TMTC2: variants seen among roughly 807,000 people sequenced by gnomAD.
The protein encoded by TMTC2 is transmembrane O-mannosyltransferase targeting cadherins 2.
In TMTC2, 43 loss-of-function variants were observed where a neutral mutation model predicts 82.4. The ratio of observed to expected loss-of-function variants is 0.52; its 90% CI spans 0.41 to 0.67. The LOEUF (loss-of-function observed/expected upper bound fraction) is 0.67, where lower values mean the gene tolerates loss of function less well. Ranked by LOEUF, TMTC2 falls within the 30% of genes least tolerant of loss-of-function variation. The pLI, the probability that TMTC2 is intolerant of heterozygous loss-of-function variation, is 0.00. For missense variants in TMTC2, 919 were observed against 1,012.4 expected (o/e 0.91, Z 1.25); for synonymous variants, 408 against 381.9 (o/e 1.07, Z -0.80).
chr12:82,937,777 TATATATATATATATATATACAC>T (rs1565818393), intron 4 of TMTC2, among the ~76,000 whole-genome samples: 16 of 22,758 alleles, frequency 7.0e-4, no homozygotes, highest in African/African-American at 2.1e-3. Context: ...TATATATATA[TATATATATATATATATATACAC>T]ACATATATAT....
chr12:83,056,258 AT>A (rs2137464598), intron 10 of TMTC2, among the ~76,000 whole-genome samples: 1 of 152,062 alleles, frequency 6.6e-6, no homozygotes, highest in South Asian at 2.1e-4. Flanking sequence ...TTAGTCTCTG[AT>A]GTGGGTCACG....
intron 11 of TMTC2, among the ~76,000 whole-genome samples, chr12:83,069,597 C>T (rs567168976): frequency 6.6e-6 from 1 of 152,196 alleles, no homozygotes; most frequent in East Asian, 1.9e-4. Flanking sequence ...ATATTAGTCC[C>T]TGGCGAGATG....
intron 1 of TMTC2, among the ~76,000 whole-genome samples, chr12:82,764,435 G>A (rs1257974721): frequency 1.3e-5 from 2 of 152,108 alleles, no homozygotes; most frequent in African/African-American, 4.8e-5. Flanking sequence ...ACCATGCCTG[G>A]CCTATACACT....
intron 11 of TMTC2, among the ~76,000 whole-genome samples, chr12:83,111,756 T>C (rs1180790312): frequency 6.6e-6 from 1 of 152,132 alleles, no homozygotes; most frequent in African/African-American, 2.4e-5. Context: ...ACATCATAAA[T>C]GAATGAGTGA....
intron 8 of TMTC2, among the ~76,000 whole-genome samples, chr12:83,029,160 A>G (rs1881311219): frequency 6.6e-6 from 1 of 152,164 alleles, no homozygotes; most frequent in Non-Finnish European, 1.5e-5. Context: ...CGGAATGAAC[A>G]AAAGGAGAGG....
At chr12:82,747,901 C>T (rs1875773283) in intron 1 of TMTC2, among the ~76,000 whole-genome samples, 1 of 152,080 alleles carries the variant, frequency 6.6e-6, no homozygotes, top group African/African-American at 2.4e-5. Context: ...ACCAGTTGGG[C>T]TAGTATATAA....
At chr12:82,980,627 T>C (rs1349138165) in intron 7 of TMTC2, among the ~76,000 whole-genome samples, 1 of 151,728 alleles carries the variant, frequency 6.6e-6, no homozygotes, top group Non-Finnish European at 1.5e-5. Context: ...AATTATAATT[T>C]GTGTGAGTCC....
At position 82,863,146 on chromosome 12, in the gene TMTC2, G is replaced by A. The variant is rs530233823; in HGVS notation, c.654+5566G>A. Reference sequence around the variant, plus strand: ...TGTTTCTAGACTAGGTTGTGGTTTTGCCTAAGTTGTGACCCCCCCCCAATA... The same window carrying A: ...TGTTTCTAGACTAGGTTGTGGTTTTACCTAAGTTGTGACCCCCCCCCAATA... On this transcript the variant is annotated intron_variant, in intron 2 of 11. Coordinates refer to ENST00000321196, the MANE Select transcript of TMTC2 (RefSeq NM_152588.3). Among the ~76,000 whole-genome samples, 3 of 152,026 alleles carry A rather than the reference G, an allele frequency of 2.0e-5. No homozygotes were observed. In the South Asian group the frequency reaches 6.2e-4, roughly 32 times the overall value.
intron 9 of TMTC2, among the ~76,000 whole-genome samples, chr12:83,038,724 ATAAC>A (rs1457921838): frequency 2.6e-5 from 4 of 152,170 alleles, no homozygotes; most frequent in East Asian, 1.9e-4. Flanking sequence ...ATTCTACAAA[ATAAC>A]TATGTCATTA....
At chr12:83,114,902 A>T (rs753228958) in intron 11 of TMTC2, among the ~76,000 whole-genome samples, 2 of 151,894 alleles carry the variant, frequency 1.3e-5, no homozygotes, top group East Asian at 1.9e-4. Context: ...TATATATATA[A>T]AAATATGTAC....
intron 8 of TMTC2, among the ~76,000 whole-genome samples, chr12:83,019,583 C>T (rs1880824252): frequency 6.6e-6 from 1 of 152,152 alleles, no homozygotes. Context: ...CAAAACTAAG[C>T]TTATAATCCT....
chr12:83,126,000 G>A (rs1463198922), intron 11 of TMTC2, among the ~76,000 whole-genome samples: 1 of 152,018 alleles, frequency 6.6e-6, no homozygotes, highest in African/African-American at 2.4e-5. Flanking sequence ...AGAATTGATG[G>A]CAGCCCTCTT....
Position 83,101,609 on chromosome 12 carries a change from G to A in TMTC2, c.2332-30601G>A, listed in dbSNP as rs147058344. 7.9e-5 allele frequency among the ~76,000 whole-genome samples: 12 copies of A among 152,214 alleles called. No individual in the cohort carries two copies. In the East Asian group the frequency reaches 1.2e-3, roughly 15 times the overall value. On this transcript the variant is annotated intron_variant, in intron 11 of 11. Transcript: ENST00000321196. ...TACTACTGTATCACCATCATAATACGTTGGAATCATAGAGTGGAAAGGGAA... is the reference window on the plus strand; with the variant it reads ...TACTACTGTATCACCATCATAATACATTGGAATCATAGAGTGGAAAGGGAA...
chr12:82,765,321 T>C (rs908231664), intron 1 of TMTC2, among the ~76,000 whole-genome samples: 6 of 152,166 alleles, frequency 3.9e-5, no homozygotes, highest in African/African-American at 1.4e-4. Flanking sequence ...TGTCAGATAG[T>C]ATGTTGGGTG....
At chr12:82,993,777 G>A (rs1461135047) in intron 8 of TMTC2, among the ~76,000 whole-genome samples, 2 of 152,094 alleles carry the variant, frequency 1.3e-5, no homozygotes, top group Non-Finnish European at 2.9e-5. Flanking sequence ...GCTGGCGTGC[G>A]GGTGGTAAAG....
intron 3 of TMTC2, among the ~76,000 whole-genome samples, chr12:82,900,685 TATATATATAGGAATATATATCTCTGGA>T (rs1873941351): frequency 2.1e-5 from 3 of 143,178 alleles, no homozygotes; most frequent in Admixed American, 7.2e-5. Context: ...ATCTCTGGAA[TATATATATAGGAATATATATCTCTGGA>T]ATATATATAT....
At chr12:82,690,124 T>C (rs993178095) in intron 1 of TMTC2, among the ~76,000 whole-genome samples, 8 of 152,214 alleles carry the variant, frequency 5.3e-5, no homozygotes, top group Admixed American at 2.0e-4. Context: ...AATTGTGGCT[T>C]TTCTGATATA....
intron 1 of TMTC2, among the ~76,000 whole-genome samples, chr12:82,835,713 T>C (rs1869997123): frequency 6.6e-6 from 1 of 152,214 alleles, no homozygotes. Context: ...CGGTCACTTG[T>C]TGGAGTTCTA....
intron 1 of TMTC2, among the ~76,000 whole-genome samples, chr12:82,854,971 G>A (rs7133056): frequency 0.041 from 6,302 of 152,166 alleles, 163 homozygotes; most frequent in Non-Finnish European, 0.069. Flanking sequence ...TAATAACAGC[G>A]CAGCTAACAG....
Sources: gnomAD v4.1 joint callset for allele counts (sites outside exome capture counted in the v4.1 genomes callset) on GRCh38, gnomAD v4.1.1 for gene constraint, MANE v1.5 for transcripts, NCBI Gene and HGNC (gene_info 2026-07-23, HGNC 2026-07-21) for gene names.